FBXL5: variants seen among roughly 807,000 people sequenced by gnomAD.
FBXL5 encodes F-box and leucine rich repeat protein 5.
Under a neutral mutation model 78.3 loss-of-function variants are expected in FBXL5, and 26 were observed. The observed-to-expected ratio is 0.33, with a 90% CI of 0.24 to 0.46. The LOEUF (loss-of-function observed/expected upper bound fraction) is 0.46, where lower values mean the gene tolerates loss of function less well. Among genes scored for constraint, FBXL5 ranks in the 20% least tolerant of loss-of-function variants. The pLI is 1.00. For missense variants in FBXL5, 710 were observed against 829.2 expected (o/e 0.86, Z 1.77); for synonymous variants, 295 against 282.5 (o/e 1.04, Z -0.45).
At chr4:15,659,732 G>A (rs73243105), upstream of FBXL5, 117,589 of 981,574 alleles carry the variant, frequency 0.12, 7,585 homozygotes, top group Non-Finnish European at 0.13. Flanking sequence ...CCTACCTTGC[G>A]TCATTTACCT....
At chr4:15,644,827 A>G in intron 1 of FBXL5, 119 bp from the exon 2 acceptor site, 1 of 667,828 alleles carries the variant, frequency 1.5e-6, no homozygotes, top group Non-Finnish European at 2.5e-6. Flanking sequence ...ACACTTGGTT[A>G]AAGTACAAAT....
chr4:15,669,357 T>TA (rs1363769494), intron 1 of FBXL5, among the ~76,000 whole-genome samples: 1 of 152,148 alleles, frequency 6.6e-6, no homozygotes, highest in Non-Finnish European at 1.5e-5. Flanking sequence ...AGAGTAAAAA[T>TA]ACAGTATTAC....
At position 15,644,556 on chromosome 4, in the gene FBXL5, T is replaced by C. The variant is rs777757133; in HGVS notation, c.237A>G (p.Val79=). ...LQQRSQTIYN[V]HSDNKLSEML... is the part of the protein sequence containing the mutation. ...TCTCGGAGAGTTTATTGTCAGAATGTACATTATAAATGGTCTGGCTGCGTT... is the reference window on the plus strand; with the variant it reads ...TCTCGGAGAGTTTATTGTCAGAATGCACATTATAAATGGTCTGGCTGCGTT... Residue 79 remains valine (V), a synonymous_variant, in exon 2 of 11, where the codon GTA becomes GTG. Coordinates refer to ENST00000341285, the MANE Select transcript of FBXL5 (RefSeq NM_012161.4). The C allele has an allele frequency of 1.9e-6, 3 of 1,614,030 alleles. No individual in the cohort carries two copies. In the East Asian group the frequency reaches 6.7e-5, roughly 36 times the overall value.
chr4:15,652,776 G>A (rs961553937), intron 1 of FBXL5, among the ~76,000 whole-genome samples: 1 of 152,144 alleles, frequency 6.6e-6, no homozygotes, highest in African/African-American at 2.4e-5. Context: ...CTGACTTCTT[G>A]ATAATAACTG....
chr4:15,679,766 T>TA (rs553579071), intron 1 of FBXL5, among the ~76,000 whole-genome samples: 14,804 of 142,720 alleles, frequency 0.1, 841 homozygotes, highest in Admixed American at 0.14. Context: ...CCAATCCCCC[T>TA]AAAAAAAAAA....
At chr4:15,640,390 A>G (rs530599401) in intron 3 of FBXL5, among the ~76,000 whole-genome samples, 1 of 88,294 alleles carries the variant, frequency 1.1e-5, no homozygotes, top group African/African-American at 4.6e-5. Flanking sequence ...AAACTACACT[A>G]CTGAAAAAAA....
intron 5 of FBXL5, among the ~76,000 whole-genome samples, chr4:15,633,932 A>G (rs1713953654): frequency 6.6e-6 from 1 of 152,100 alleles, no homozygotes; most frequent in African/African-American, 2.4e-5. Flanking sequence ...TTACATCTAA[A>G]TTAAGGCTTC....
upstream of FBXL5, among the ~76,000 whole-genome samples, chr4:15,659,185 G>A (rs1232569378): frequency 1.3e-5 from 2 of 152,178 alleles, no homozygotes; most frequent in Non-Finnish European, 2.9e-5. Context: ...CTGACATTAT[G>A]TAATAATGTT....
chr4:15,681,014 A>T (rs557092068), intron 1 of FBXL5, among the ~76,000 whole-genome samples: 1 of 151,084 alleles, frequency 6.6e-6, no homozygotes, highest in South Asian at 2.1e-4. Flanking sequence ...TGTGACAAAG[A>T]TGCACTTATT....
At chr4:15,630,594 C>T in intron 6 of FBXL5, 72 bp downstream of exon 6, 2 of 1,310,416 alleles carry the variant, frequency 1.5e-6, no homozygotes, top group South Asian at 1.7e-5. Flanking sequence ...AATCTAATAC[C>T]TAATAATTAT....
intron 9 of FBXL5, among the ~76,000 whole-genome samples, chr4:15,618,266 T>C (rs1712111328): frequency 6.6e-6 from 1 of 152,316 alleles, no homozygotes; most frequent in South Asian, 2.1e-4. Context: ...TGGTGGTGCA[T>C]GCCTGTATTC....
intron 5 of FBXL5, 188 bp downstream of exon 5, chr4:15,636,303 CATT>C (rs1296614895): frequency 3.1e-5 from 14 of 453,098 alleles, no homozygotes; most frequent in Middle Eastern, 5.8e-4. Flanking sequence ...TTACAGACAT[CATT>C]ATAATTTACC....
chr4:15,608,779 T>C (rs558265883), intron 10 of FBXL5, among the ~76,000 whole-genome samples: 1 of 152,018 alleles, frequency 6.6e-6, no homozygotes, highest in South Asian at 2.1e-4. Flanking sequence ...TACAATCCTA[T>C]GATAAGGTAA....
In FBXL5 at chr4:15,615,026, C is replaced by T. The variant is rs556935098; in HGVS notation, c.1851-2612G>A. On this transcript the variant is annotated intron_variant, in intron 9 of 10. Transcript: ENST00000341285. Reference sequence around the variant, plus strand: ...ACTCAGAGCAGCCGGCCAGCCCTGCCGGCCCTGGGCAATGAGGGACTTAGC... The same window carrying T: ...ACTCAGAGCAGCCGGCCAGCCCTGCTGGCCCTGGGCAATGAGGGACTTAGC... Among the ~76,000 whole-genome samples the T allele has an allele frequency of 3.4e-4, 51 of 152,200 alleles. 1 individual carries two copies. In the Middle Eastern group the frequency reaches 0.01, roughly 30 times the overall value.
chr4:15,642,450 G>C (rs1025554162), intron 2 of FBXL5, among the ~76,000 whole-genome samples: 1 of 151,950 alleles, frequency 6.6e-6, no homozygotes, highest in Non-Finnish European at 1.5e-5. Context: ...TGGCCAGGCT[G>C]GTCTCGAACT....
intron 1 of FBXL5, among the ~76,000 whole-genome samples, chr4:15,665,260 A>C (rs1717490843): frequency 6.6e-6 from 1 of 152,166 alleles, no homozygotes; most frequent in Non-Finnish European, 1.5e-5. Flanking sequence ...GTTTACGTGA[A>C]GTAGCCGTCA....
At chr4:15,627,801 C>A in intron 7 of FBXL5, 84 bp downstream of exon 7, 1 of 1,398,462 alleles carries the variant, frequency 7.2e-7, no homozygotes, top group East Asian at 2.3e-5. Flanking sequence ...TTTGTTTCCC[C>A]TTAATTAAAC....
chr4:15,626,114 T>G, intron 8 of FBXL5, 137 bp from the exon 9 acceptor site: 1 of 826,926 alleles, frequency 1.2e-6, no homozygotes. Context: ...AATTATCTAT[T>G]GTTAAGGTAC....
At chr4:15,634,527 T>A (rs1429492583) in intron 5 of FBXL5, among the ~76,000 whole-genome samples, 2 of 151,934 alleles carry the variant, frequency 1.3e-5, no homozygotes, top group African/African-American at 4.8e-5. Flanking sequence ...CCACCACACC[T>A]GGCTAATTTT....
Sources: gnomAD v4.1 joint callset for allele counts (sites outside exome capture counted in the v4.1 genomes callset) on GRCh38, gnomAD v4.1.1 for gene constraint, MANE v1.5 for transcripts, NCBI Gene and HGNC (gene_info 2026-07-23, HGNC 2026-07-21) for gene names.